RANBP2: variants seen among roughly 807,000 people sequenced by gnomAD.
RANBP2 encodes the protein E3 SUMO-protein ligase RanBP2.
Under a neutral mutation model 303.6 loss-of-function variants are expected in RANBP2, and 57 were observed. The observed-to-expected ratio is 0.19, with a 90% CI of 0.15 to 0.23. The LOEUF (loss-of-function observed/expected upper bound fraction) is 0.23, where lower values mean the gene tolerates loss of function less well. RANBP2 is among the 10% of genes least tolerant of loss of function. The pLI, the probability that RANBP2 is intolerant of heterozygous loss-of-function variation, is 1.00. For synonymous variants in RANBP2, 1,167 were observed against 1,301.5 expected, an observed-to-expected ratio of 0.90 and a Z score of 2.23; for missense variants, 3,138 against 3,780.8, an observed-to-expected ratio of 0.83 and a Z score of 4.46.
the RANBP2 span, among the ~76,000 whole-genome samples, chr2:108,938,782 TTC>T: frequency 4.6e-5 from 7 of 151,432 alleles, no homozygotes; most frequent in Non-Finnish European, 1.0e-4. Flanking sequence ...TTTCTAGGAC[TTC>T]TTCCCCCCCC....
At chr2:109,163,390 CTTTTTTTTTTT>C in the RANBP2 span, among the ~76,000 whole-genome samples, 2 of 70,268 alleles carry the variant, frequency 2.8e-5, no homozygotes, top group South Asian at 6.8e-4. Context: ...AGCAAATATT[CTTTTTTTTTTT>C]TTTTTTTTTT....
At chr2:108,946,286 G>A in the RANBP2 span, among the ~76,000 whole-genome samples, 1 of 152,206 alleles carries the variant, frequency 6.6e-6, no homozygotes. Flanking sequence ...AGTACCTACG[G>A]GTGACAGTGA....
intron 28 of RANBP2, 137 bp downstream of exon 28, chr2:108,782,999 C>A: frequency 1.3e-6 from 1 of 775,802 alleles, no homozygotes; most frequent in Non-Finnish European, 2.1e-6. Flanking sequence ...CATGGAATCA[C>A]ATGGCATCAC....
At chr2:109,118,696 T>G in the RANBP2 span, among the ~76,000 whole-genome samples, 1 of 152,078 alleles carries the variant, frequency 6.6e-6, no homozygotes, top group Non-Finnish European at 1.5e-5. Flanking sequence ...AGGCTCACAA[T>G]ACCTCAATAA....
At chr2:108,759,416 C>T (rs1676562388) in intron 18 of RANBP2, among the ~76,000 whole-genome samples, 1 of 152,094 alleles carries the variant, frequency 6.6e-6, no homozygotes, top group Admixed American at 6.6e-5. Context: ...TACATTGCTC[C>T]CAGGCAGCGA....
chr2:109,304,554 T>C, the RANBP2 span, among the ~76,000 whole-genome samples: 46,273 of 152,058 alleles, frequency 0.3, 8,523 homozygotes, highest in African/African-American at 0.52. Context: ...TGGGTAAGAG[T>C]GGTTAACTCC....
chr2:109,272,940 A>G, the RANBP2 span, among the ~76,000 whole-genome samples: 16 of 152,330 alleles, frequency 1.1e-4, no homozygotes, highest in African/African-American at 3.8e-4. Flanking sequence ...CATGAAAGGA[A>G]TCACAAAGGA....
chr2:108,783,795 G>A lies in RANBP2; in HGVS notation c.9569G>A (p.Gly3190Glu), dbSNP rs1302482650. 1 of 1,611,394 alleles carries A rather than the reference G, an allele frequency of 6.2e-7. No individual in the cohort carries two copies. The highest frequency in any genetic ancestry group is 1.3e-5 in the African/African-American group (1 of 74,958). ...EHLDFKHVVF[G>E]FVKDGMDTVK... Reference sequence around the variant, plus strand: ...TTGGACTTTAAGCATGTAGTATTTGGGTTTGTTAAGGATGGCATGGATACT... The same window carrying A: ...TTGGACTTTAAGCATGTAGTATTTGAGTTTGTTAAGGATGGCATGGATACT... Residue 3190 changes from glycine (G) to glutamate (E), a missense_variant, in exon 29 of 29, where the codon GGG (glycine) becomes GAG (glutamate). By Grantham distance (98) the Gly-to-Glu change is moderately conservative. Coordinates refer to ENST00000283195, the MANE Select transcript of RANBP2 (RefSeq NM_006267.5).
the RANBP2 span, among the ~76,000 whole-genome samples, chr2:109,484,114 G>A: frequency 7.4e-5 from 11 of 149,592 alleles, no homozygotes; most frequent in Non-Finnish European, 1.2e-4. Flanking sequence ...TGTCTCCTAG[G>A]CTGGAGTGCA....
the RANBP2 span, among the ~76,000 whole-genome samples, chr2:109,484,236 C>A: frequency 1.3e-5 from 2 of 151,962 alleles, no homozygotes. Flanking sequence ...TCAGCTAATT[C>A]TCATATTTTT....
chr2:108,852,092 C>T, the RANBP2 span, among the ~76,000 whole-genome samples: 10 of 152,016 alleles, frequency 6.6e-5, no homozygotes, highest in African/African-American at 1.5e-4. Context: ...TGTTATAGGC[C>T]GAGCACTTTA....
At chr2:109,460,156 A>G in the RANBP2 span, among the ~76,000 whole-genome samples, 1 of 152,228 alleles carries the variant, frequency 6.6e-6, no homozygotes. Context: ...AGTCAGAAGC[A>G]GTGCTGTGTG....
chr2:109,374,554 C>T, the RANBP2 span, among the ~76,000 whole-genome samples: 1 of 152,312 alleles, frequency 6.6e-6, no homozygotes, highest in Non-Finnish European at 1.5e-5. Flanking sequence ...GAGAGTCAGA[C>T]CCACCTGCCA....
chr2:109,528,001 G>A, the RANBP2 span, among the ~76,000 whole-genome samples: 1 of 152,360 alleles, frequency 6.6e-6, no homozygotes, highest in Non-Finnish European at 1.5e-5. Flanking sequence ...CGGGTGGATA[G>A]TCTGTGGGCT....
the RANBP2 span, among the ~76,000 whole-genome samples, chr2:108,917,242 T>C: frequency 6.6e-6 from 1 of 151,140 alleles, no homozygotes; most frequent in African/African-American, 2.4e-5. Flanking sequence ...GCCAAAGGAG[T>C]GGATCTCATA....
chr2:108,998,237 G>A, the RANBP2 span, among the ~76,000 whole-genome samples: 1 of 152,074 alleles, frequency 6.6e-6, no homozygotes, highest in Admixed American at 6.6e-5. Flanking sequence ...CCTGACTCCT[G>A]GTTTATTCTT....
At chr2:108,723,856 A>G (rs1396204894) in intron 1 of RANBP2, among the ~76,000 whole-genome samples, 5 of 152,136 alleles carry the variant, frequency 3.3e-5, no homozygotes, top group Admixed American at 1.3e-4. Flanking sequence ...AATGTGGTCA[A>G]ACTGGTCACA....
chr2:109,053,790 A>G, the RANBP2 span, among the ~76,000 whole-genome samples: 4 of 152,116 alleles, frequency 2.6e-5, no homozygotes, highest in South Asian at 2.1e-4. Context: ...GGCGTGAGCC[A>G]TTTCTCCGGC....
chr2:108,794,404 T>C, the RANBP2 span: 1 of 785,242 alleles, frequency 1.3e-6, no homozygotes, highest in Non-Finnish European at 1.9e-6. Flanking sequence ...ATATTTGCTA[T>C]ATTTTTCTTT....
Sources: gnomAD v4.1 joint callset for allele counts (sites outside exome capture counted in the v4.1 genomes callset) on GRCh38, gnomAD v4.1.1 for gene constraint, MANE v1.5 for transcripts, NCBI Gene and HGNC (gene_info 2026-07-23, HGNC 2026-07-21) for gene names.